The following SH3RF3 variants were observed in gnomAD, a reference collection of about 807,000 sequenced individuals.
SH3RF3 encodes the protein E3 ubiquitin-protein ligase SH3RF3.
In SH3RF3, 29 loss-of-function variants were observed where a neutral mutation model predicts 66.3. That is an observed-to-expected ratio of 0.44 (90% CI 0.33 to 0.60). The LOEUF (loss-of-function observed/expected upper bound fraction) is 0.60. Ranked by LOEUF, SH3RF3 falls within the 20% of genes least tolerant of loss-of-function variation. The pLI, the probability that SH3RF3 is intolerant of heterozygous loss-of-function variation, is 0.04. For synonymous variants in SH3RF3, 583 were observed against 532.0 expected, an observed-to-expected ratio of 1.10 and a Z score of -1.32; for missense variants, 1,194 against 1,190.9, an observed-to-expected ratio of 1.00 and a Z score of -0.04.
intron 7 of SH3RF3, among the ~76,000 whole-genome samples, chr2:109,439,319 G>A (rs543518605): frequency 1.3e-5 from 2 of 152,120 alleles, no homozygotes; most frequent in East Asian, 3.9e-4. Context: ...TTGTCCCCAC[G>A]CTATTGCTGT....
intron 3 of SH3RF3, among the ~76,000 whole-genome samples, chr2:109,395,195 G>A (rs1409703770): frequency 6.6e-6 from 1 of 152,268 alleles, no homozygotes; most frequent in African/African-American, 2.4e-5. Flanking sequence ...GTGTGAGTAT[G>A]GCAAGCCTGG....
At chr2:109,276,267 A>C (rs1680756326) in intron 1 of SH3RF3, among the ~76,000 whole-genome samples, 1 of 152,224 alleles carries the variant, frequency 6.6e-6, no homozygotes, top group Non-Finnish European at 1.5e-5. Flanking sequence ...TTAGAAGAAG[A>C]AAAAGTTATT....
intron 1 of SH3RF3, among the ~76,000 whole-genome samples, chr2:109,298,662 C>T (rs967685694): frequency 1.1e-4 from 17 of 152,142 alleles, no homozygotes; most frequent in African/African-American, 4.1e-4. Context: ...CGTGCTCCCT[C>T]TGGCCAGGCC....
chr2:109,430,936 A>G (rs561752669), intron 5 of SH3RF3, among the ~76,000 whole-genome samples: 2 of 152,370 alleles, frequency 1.3e-5, no homozygotes, highest in African/African-American at 4.8e-5. Flanking sequence ...AACAAAGGAA[A>G]TAGCCAAGGT....
intron 4 of SH3RF3, among the ~76,000 whole-genome samples, chr2:109,399,771 G>T (rs1217920879): frequency 6.6e-6 from 1 of 152,272 alleles, no homozygotes; most frequent in Non-Finnish European, 1.5e-5. Context: ...TGCAGAGACT[G>T]CAGCAGGAGA....
At chr2:109,219,233 T>C (rs144934288) in intron 1 of SH3RF3, among the ~76,000 whole-genome samples, 13 of 152,314 alleles carry the variant, frequency 8.5e-5, no homozygotes, top group African/African-American at 3.1e-4. Flanking sequence ...TGTATTTGAG[T>C]TGTTCTCAGA....
intron 1 of SH3RF3, among the ~76,000 whole-genome samples, chr2:109,277,259 G>A (rs1002200588): frequency 6.6e-6 from 1 of 152,164 alleles, no homozygotes; most frequent in African/African-American, 2.4e-5. Context: ...CTCCCTCACT[G>A]TACAGGAACC....
At chr2:109,254,690 G>T (rs1680176854) in intron 1 of SH3RF3, among the ~76,000 whole-genome samples, 1 of 152,152 alleles carries the variant, frequency 6.6e-6, no homozygotes, top group South Asian at 2.1e-4. Flanking sequence ...CCCTAATGTT[G>T]GTGTGTGGTT....
chr2:109,417,121 A>G (rs533910652), intron 4 of SH3RF3, among the ~76,000 whole-genome samples: 2 of 152,296 alleles, frequency 1.3e-5, no homozygotes, highest in South Asian at 4.1e-4. Context: ...GATCCTGCCC[A>G]CACATTTCTT....
At chr2:109,228,108 G>A (rs1214409858) in intron 1 of SH3RF3, among the ~76,000 whole-genome samples, 1 of 152,142 alleles carries the variant, frequency 6.6e-6, no homozygotes, top group Non-Finnish European at 1.5e-5. Context: ...ACACATACAG[G>A]CAATCTCTAA....
At chr2:109,440,321 G>A (rs2104599254) in intron 7 of SH3RF3, among the ~76,000 whole-genome samples, 1 of 152,332 alleles carries the variant, frequency 6.6e-6, no homozygotes, top group East Asian at 1.9e-4. Flanking sequence ...GCCGAGGCCA[G>A]GGGCCCATGG....
At chr2:109,394,232 G>A (rs1204995991) in intron 3 of SH3RF3, among the ~76,000 whole-genome samples, 1 of 152,240 alleles carries the variant, frequency 6.6e-6, no homozygotes, top group East Asian at 1.9e-4. Context: ...AGAAAGCTGG[G>A]GAGACAAAGT....
intron 1 of SH3RF3, among the ~76,000 whole-genome samples, chr2:109,163,218 G>A (rs1677531041): frequency 6.6e-6 from 1 of 152,130 alleles, no homozygotes; most frequent in Admixed American, 6.5e-5. Flanking sequence ...TTTGGCACAA[G>A]CCCAGAACTA....
chr2:109,147,190 A>C (rs1218393447), intron 1 of SH3RF3, among the ~76,000 whole-genome samples: 1 of 152,094 alleles, frequency 6.6e-6, no homozygotes, highest in African/African-American at 2.4e-5. Context: ...CCTGGGAGAA[A>C]AGACCGGGAT....
At chr2:109,362,347 T>G (rs1683064843) in intron 2 of SH3RF3, among the ~76,000 whole-genome samples, 1 of 152,260 alleles carries the variant, frequency 6.6e-6, no homozygotes. Flanking sequence ...AGTATGTTGT[T>G]AAATCTCCAA....
intron 1 of SH3RF3, among the ~76,000 whole-genome samples, chr2:109,149,053 C>T (rs1360763342): frequency 6.6e-6 from 1 of 152,186 alleles, no homozygotes; most frequent in Non-Finnish European, 1.5e-5. Context: ...TTTGCTCTTT[C>T]CTTCCTTCAG....
chr2:109,237,815 C>T (rs951233162), intron 1 of SH3RF3, among the ~76,000 whole-genome samples: 5 of 152,220 alleles, frequency 3.3e-5, no homozygotes, highest in African/African-American at 1.2e-4. Context: ...ACTTTCTACA[C>T]AAAGTTTCCA....
At chr2:109,146,079 GAGGTACC>G (rs958261716) in intron 1 of SH3RF3, among the ~76,000 whole-genome samples, 2 of 149,450 alleles carry the variant, frequency 1.3e-5, no homozygotes, top group African/African-American at 5.1e-5. Flanking sequence ...AGTGCTGAGA[GAGGTACC>G]AGCTGAACAG....
chr2:109,144,103 T>C (rs1677036960), intron 1 of SH3RF3, among the ~76,000 whole-genome samples: 1 of 152,186 alleles, frequency 6.6e-6, no homozygotes, highest in African/African-American at 2.4e-5. Context: ...ATAAGATGAA[T>C]GAATTCTGGA....
Sources: allele counts gnomAD v4.1 joint callset (sites outside exome capture counted in the v4.1 genomes callset), GRCh38; gene constraint gnomAD v4.1.1; transcripts MANE v1.5; gene names NCBI Gene and HGNC (gene_info 2026-07-23, HGNC 2026-07-21).